Variants in EFHC2 observed in about 807,000 individuals in gnomAD.
EFHC2 encodes the protein EF-hand domain containing 2.
Under a neutral mutation model 52.7 loss-of-function variants are expected in EFHC2, and 18 were observed. The ratio of observed to expected loss-of-function variants is 0.34; its 90% CI spans 0.24 to 0.51. The LOEUF is 0.51. Ranked by LOEUF, EFHC2 falls within the 20% of genes least tolerant of loss-of-function variation. EFHC2 has a pLI of 0.97. For synonymous variants in EFHC2, 203 were observed against 204.1 expected, an observed-to-expected ratio of 0.99 and a Z score of 0.04; for missense variants, 513 against 562.5, an observed-to-expected ratio of 0.91 and a Z score of 0.89.
At chrX:44,233,295 A>G (rs1160932560) in intron 9 of EFHC2, among the ~76,000 whole-genome samples, 2 of 112,377 alleles carry the variant, frequency 1.8e-5, no homozygotes, top group East Asian at 5.6e-4. Context: ...ACTTCTGTAA[A>G]GGAGATTACT....
intron 10 of EFHC2, among the ~76,000 whole-genome samples, chrX:44,231,873 G>A (rs922968990): frequency 9.8e-5 from 11 of 111,916 alleles, no homozygotes; most frequent in African/African-American, 3.6e-4. Context: ...TTATCAATAT[G>A]TTATTTTTAC....
At chrX:44,237,819 T>C (rs1408092170) in intron 8 of EFHC2, among the ~76,000 whole-genome samples, 1 of 111,529 alleles carries the variant, frequency 9.0e-6, no homozygotes, top group Non-Finnish European at 1.9e-5. Flanking sequence ...TCTCCTTTGT[T>C]GGTTCCTCCT....
At position 44,343,592 on chromosome X, in the gene EFHC2, G is replaced by T; in HGVS notation, c.-4C>A. The T allele has an allele frequency of 6.7e-6, 8 of 1,192,365 alleles. No individual in the cohort carries two copies. The highest frequency in any genetic ancestry group is 9.0e-6 in the Non-Finnish European group (8 of 886,161). ...CCGGCAGCAGAGGCAGGGCCATGGCGCTCAGTGTCCGAAAATCCAGGGTCC... is the reference window on the plus strand; with the variant it reads ...CCGGCAGCAGAGGCAGGGCCATGGCTCTCAGTGTCCGAAAATCCAGGGTCC... On this transcript the variant is annotated 5_prime_UTR_variant, in exon 1 of 15. Transcript: ENST00000420999.
At chrX:44,239,857 T>C (rs1184502134) in intron 8 of EFHC2, among the ~76,000 whole-genome samples, 1 of 111,444 alleles carries the variant, frequency 9.0e-6, no homozygotes, top group Admixed American at 9.5e-5. Context: ...AAAGATATTA[T>C]CCTGGTTCTC....
chrX:44,320,887 G>A (rs1308470947), intron 1 of EFHC2, among the ~76,000 whole-genome samples: 1 of 111,006 alleles, frequency 9.0e-6, no homozygotes, highest in Admixed American at 9.7e-5. Flanking sequence ...GTGTTTGAAA[G>A]GTCTAGAGTC....
chrX:44,190,475 G>A (rs981174558), intron 11 of EFHC2, among the ~76,000 whole-genome samples: 5 of 111,946 alleles, frequency 4.5e-5, no homozygotes, highest in African/African-American at 1.6e-4. Flanking sequence ...TGGAGCAGGT[G>A]GAATGTGTCA....
intron 1 of EFHC2, among the ~76,000 whole-genome samples, chrX:44,317,699 G>T (rs1415102802): frequency 8.8e-6 from 1 of 113,175 alleles, no homozygotes; most frequent in East Asian, 2.8e-4. Context: ...GGTGAAAGGA[G>T]CGCTTGCGCT....
rs769250220 is a variant in EFHC2 at position 44,337,867 on chromosome X, T to C, written c.42+5680A>G. Reference sequence around the variant, plus strand: ...AGCCATTTTAATAGGTATACAGTGGTATCTCATCTTGATTTTAATTCTTAT... The same window carrying C: ...AGCCATTTTAATAGGTATACAGTGGCATCTCATCTTGATTTTAATTCTTAT... On this transcript the variant is annotated intron_variant, in intron 1 of 14. Transcript: ENST00000420999. 1.1e-4 allele frequency among the ~76,000 whole-genome samples: 12 copies of C among 112,279 alleles called. No individual in the cohort carries two copies. In the South Asian group the frequency reaches 4.4e-3, roughly 41 times the overall value.
intron 11 of EFHC2, among the ~76,000 whole-genome samples, chrX:44,223,554 A>T (rs2037210159): frequency 9.0e-6 from 1 of 110,940 alleles, no homozygotes; most frequent in African/African-American, 3.3e-5. Context: ...TTTAAAACTA[A>T]GCCCTCACCA....
At chrX:44,232,744 A>C (rs933077581) in intron 9 of EFHC2, 67 bp from the exon 10 acceptor site, 2 of 1,010,075 alleles carry the variant, frequency 2.0e-6, no homozygotes, top group African/African-American at 3.8e-5. Flanking sequence ...TTGCCTTCAG[A>C]GTTACTTTAT....
intron 11 of EFHC2, among the ~76,000 whole-genome samples, chrX:44,203,540 G>A (rs1414300779): frequency 3.6e-5 from 4 of 110,870 alleles, no homozygotes; most frequent in Non-Finnish European, 7.6e-5. Context: ...ATGGATTCCT[G>A]CTGGTCTAAG....
chrX:44,148,611 C>G lies in EFHC2; in HGVS notation c.*184G>C, dbSNP rs763841814. The G allele has an allele frequency of 2.5e-6, 1 of 394,019 alleles. No individual in the cohort carries two copies. The highest frequency in any genetic ancestry group is 4.3e-6 in the Non-Finnish European group (1 of 231,525). The allele number at this position is 394,019 out of a possible 1,213,427, so 32.5% of individuals were successfully genotyped here. On this transcript the variant is annotated 3_prime_UTR_variant, in exon 15 of 15. Coordinates refer to ENST00000420999, the MANE Select transcript of EFHC2 (RefSeq NM_025184.4). Reference sequence around the variant, plus strand: ...GATGGCATTTTAAATAGTAACAGTACGTCGGCAATGTAACATGATGTTCTG... The same window carrying G: ...GATGGCATTTTAAATAGTAACAGTAGGTCGGCAATGTAACATGATGTTCTG...
chrX:44,341,198 A>AATTATATAT lies in EFHC2; in HGVS notation c.42+2348_42+2349insATATATAAT, dbSNP rs1285986323. On this transcript the variant is annotated intron_variant, in intron 1 of 14. Coordinates refer to ENST00000420999, the MANE Select transcript of EFHC2 (RefSeq NM_025184.4). ...TTCCATTGATAAAAGGTTCAAAGGC[A>AATTATATAT]AGCAAAACCTAATTATAGTGATAGG... Among the ~76,000 whole-genome samples the AATTATATAT allele has an allele frequency of 2.9e-4, 32 of 112,009 alleles. No individual in the cohort carries two copies. The South Asian group carries it at 0.011, about 40-fold the overall frequency.
chrX:44,243,632 G>A (rs1333841965), intron 7 of EFHC2, among the ~76,000 whole-genome samples: 1 of 111,784 alleles, frequency 8.9e-6, no homozygotes, highest in African/African-American at 3.3e-5. Context: ...GCCTTTGTGT[G>A]AAATTTCCCC....
At chrX:44,306,425 C>T (rs2037905793) in intron 2 of EFHC2, among the ~76,000 whole-genome samples, 1 of 111,377 alleles carries the variant, frequency 9.0e-6, no homozygotes, top group South Asian at 3.8e-4. Flanking sequence ...CTCCCACGAG[C>T]CCCACCCAAT....
chrX:44,307,251 C>T, intron 2 of EFHC2, among the ~76,000 whole-genome samples: 1 of 111,894 alleles, frequency 8.9e-6, no homozygotes, highest in South Asian at 3.8e-4. Context: ...TTCCAAAGAA[C>T]TGTCTTTATT....
chrX:44,223,701 A>G (rs1319155425), intron 11 of EFHC2, among the ~76,000 whole-genome samples: 1 of 112,065 alleles, frequency 8.9e-6, no homozygotes, highest in Middle Eastern at 4.2e-3. Context: ...TGCTGTTTTC[A>G]AAAACATATA....
chrX:44,257,783 A>G (rs151202927), intron 4 of EFHC2, among the ~76,000 whole-genome samples: 9,507 of 111,713 alleles, frequency 0.085, 910 homozygotes, highest in African/African-American at 0.28. Flanking sequence ...GAAAAAAACT[A>G]CTTTACATTT....
chrX:44,304,080 T>G (rs1053228462), intron 2 of EFHC2, among the ~76,000 whole-genome samples: 2 of 112,168 alleles, frequency 1.8e-5, no homozygotes, highest in Non-Finnish European at 3.8e-5. Context: ...TTTCTAAATA[T>G]TCCAACGTTT....
Sources: gnomAD v4.1 joint callset for allele counts (sites outside exome capture counted in the v4.1 genomes callset) on GRCh38, gnomAD v4.1.1 for gene constraint, MANE v1.5 for transcripts, NCBI Gene and HGNC (gene_info 2026-07-23, HGNC 2026-07-21) for gene names.